The following FAM168A variants were observed in gnomAD, a reference collection of about 807,000 sequenced individuals.
The protein encoded by FAM168A is protein FAM168A.
Under a neutral mutation model 28.5 loss-of-function variants are expected in FAM168A, and 3 were observed. The observed-to-expected ratio is 0.11, with a 90% CI of 0.05 to 0.27. The LOEUF is 0.27. FAM168A is among the 10% of genes least tolerant of loss of function. FAM168A has a pLI of 1.00. For synonymous variants in FAM168A, 122 were observed against 124.2 expected (o/e 0.98, Z 0.12); for missense variants, 222 against 311.5 (o/e 0.71, Z 2.16).
At chr11:73,416,244 A>G (rs1161236890) in intron 4 of FAM168A, among the ~76,000 whole-genome samples, 1 of 152,354 alleles carries the variant, frequency 6.6e-6, no homozygotes, top group African/African-American at 2.4e-5. Flanking sequence ...TAAAAAGAGT[A>G]TGTACATTAA....
intron 1 of FAM168A, among the ~76,000 whole-genome samples, chr11:73,506,040 A>G (rs898153788): frequency 6.6e-6 from 1 of 152,172 alleles, no homozygotes; most frequent in South Asian, 2.1e-4. Context: ...CCACTTGCCC[A>G]CTCTCACACG....
At chr11:73,463,019 A>C (rs1490826426) in intron 2 of FAM168A, among the ~76,000 whole-genome samples, 1 of 151,382 alleles carries the variant, frequency 6.6e-6, no homozygotes, top group Non-Finnish European at 1.5e-5. Context: ...CCCAGGCTGG[A>C]GTGCGGTGGC....
intron 1 of FAM168A, among the ~76,000 whole-genome samples, chr11:73,526,979 A>T (rs1474126311): frequency 6.6e-6 from 1 of 151,710 alleles, no homozygotes; most frequent in Non-Finnish European, 1.5e-5. Context: ...ATCACAGGTT[A>T]GCTTTGCGGG....
At chr11:73,508,614 GT>G (rs1855161126) in intron 1 of FAM168A, among the ~76,000 whole-genome samples, 1 of 151,984 alleles carries the variant, frequency 6.6e-6, no homozygotes, top group Non-Finnish European at 1.5e-5. Flanking sequence ...GTGTGTGGGT[GT>G]TTAGGGGTGT....
At chr11:73,552,575 T>C (rs1943841972) in intron 1 of FAM168A, among the ~76,000 whole-genome samples, 2 of 152,234 alleles carry the variant, frequency 1.3e-5, no homozygotes, top group African/African-American at 2.4e-5. Flanking sequence ...ACAGTTTCTT[T>C]ATTTGCTGTT....
At chr11:73,450,575 C>T (rs1367993397) in intron 2 of FAM168A, among the ~76,000 whole-genome samples, 3 of 152,140 alleles carry the variant, frequency 2.0e-5, no homozygotes, top group Non-Finnish European at 2.9e-5. Flanking sequence ...GGAAAAGTTT[C>T]TCCATCCGTA....
At chr11:73,575,587 T>A (rs1056282881) in intron 1 of FAM168A, among the ~76,000 whole-genome samples, 1 of 152,088 alleles carries the variant, frequency 6.6e-6, no homozygotes, top group African/African-American at 2.4e-5. Flanking sequence ...GATTTAGAAA[T>A]GGCCGGGTGT....
chr11:73,468,931 C>G (rs912573720), intron 1 of FAM168A, among the ~76,000 whole-genome samples: 1 of 152,180 alleles, frequency 6.6e-6, no homozygotes, highest in African/African-American at 2.4e-5. Flanking sequence ...AAGCTTTCTA[C>G]GGTTCACTAG....
intron 1 of FAM168A, among the ~76,000 whole-genome samples, chr11:73,557,450 G>A (rs1469037279): frequency 6.6e-6 from 1 of 151,790 alleles, no homozygotes; most frequent in African/African-American, 2.4e-5. Context: ...GGCTGGTCTT[G>A]AACTCCTGAG....
intron 2 of FAM168A, among the ~76,000 whole-genome samples, chr11:73,440,342 C>A (rs1432521553): frequency 1.3e-5 from 2 of 152,150 alleles, no homozygotes; most frequent in East Asian, 1.9e-4. Context: ...TCTAGAAAGA[C>A]CAAAGACTTT....
At chr11:73,432,783 C>A (rs1201960572) in intron 2 of FAM168A, among the ~76,000 whole-genome samples, 1 of 152,012 alleles carries the variant, frequency 6.6e-6, no homozygotes, top group Non-Finnish European at 1.5e-5. Flanking sequence ...AGTGTGGTAG[C>A]GTGTGCCTGT....
At chr11:73,532,618 C>T (rs1276606251) in intron 1 of FAM168A, among the ~76,000 whole-genome samples, 1 of 152,206 alleles carries the variant, frequency 6.6e-6, no homozygotes, top group Non-Finnish European at 1.5e-5. Flanking sequence ...GTTCTTTATC[C>T]TCCTCCTCTA....
intron 3 of FAM168A, among the ~76,000 whole-genome samples, chr11:73,424,501 C>G (rs552263945): frequency 2.5e-4 from 38 of 152,202 alleles, no homozygotes; most frequent in African/African-American, 8.4e-4. Flanking sequence ...GCTGCCCCCC[C>G]CACCTCTCAC....
intron 1 of FAM168A, among the ~76,000 whole-genome samples, chr11:73,474,716 T>G (rs1020392044): frequency 3.9e-5 from 6 of 152,374 alleles, no homozygotes; most frequent in South Asian, 2.1e-4. Context: ...AATGAGATTC[T>G]GTTTATCTTG....
chr11:73,478,212 G>A (rs1401790274), intron 1 of FAM168A, among the ~76,000 whole-genome samples: 1 of 152,072 alleles, frequency 6.6e-6, no homozygotes, highest in Non-Finnish European at 1.5e-5. Context: ...AATAAATTAA[G>A]ATGCATATTT....
intron 2 of FAM168A, among the ~76,000 whole-genome samples, chr11:73,446,511 G>A (rs534826223): frequency 2.6e-5 from 4 of 152,276 alleles, no homozygotes; most frequent in South Asian, 4.1e-4. Flanking sequence ...AAAGGTCTCT[G>A]ACACACACTC....
At chr11:73,423,666 C>G (rs538764600) in intron 3 of FAM168A, among the ~76,000 whole-genome samples, 2 of 152,244 alleles carry the variant, frequency 1.3e-5, no homozygotes, top group Non-Finnish European at 2.9e-5. Flanking sequence ...TACTACGAAG[C>G]CTTTCCTTCT....
At chr11:73,547,084 A>G (rs1420795461) in intron 1 of FAM168A, among the ~76,000 whole-genome samples, 2 of 147,692 alleles carry the variant, frequency 1.4e-5, no homozygotes, top group Non-Finnish European at 3.0e-5. Context: ...CAGAAGTTCA[A>G]GAAAAAAAAA....
At chr11:73,520,011 C>T (rs1055296575) in intron 1 of FAM168A, among the ~76,000 whole-genome samples, 21 of 151,618 alleles carry the variant, frequency 1.4e-4, no homozygotes, top group East Asian at 9.7e-4. Context: ...AGAAGTGTAG[C>T]ATATCAGATT....
Sources: gnomAD v4.1 joint callset for allele counts (sites outside exome capture counted in the v4.1 genomes callset) on GRCh38, gnomAD v4.1.1 for gene constraint, MANE v1.5 for transcripts, NCBI Gene and HGNC (gene_info 2026-07-23, HGNC 2026-07-21) for gene names.